Variants in RHBG observed in about 807,000 individuals in gnomAD.
RHBG encodes the protein ammonium transporter Rh type B.
In RHBG, 39 loss-of-function variants were observed where a neutral mutation model predicts 40.1. The ratio of observed to expected loss-of-function variants is 0.97; its 90% confidence interval spans 0.75 to 1.27. The LOEUF is 1.27. RHBG is among the 50% of genes most tolerant of loss of function. The probability of loss-of-function intolerance (pLI) is 0.00; values close to 1 mark genes in which losing one functional copy is unlikely to be tolerated. For synonymous variants in RHBG, 237 were observed against 252.5 expected (o/e 0.94, Z 0.58); for missense variants, 549 against 588.1 (o/e 0.93, Z 0.69).
At chr1:156,373,412 C>G (rs1413426244) in intron 1 of RHBG, among the ~76,000 whole-genome samples, 1 of 114,142 alleles carries the variant, frequency 8.8e-6, no homozygotes, top group African/African-American at 3.4e-5. Context: ...GGCAACAGAG[C>G]AAGAACTGTC....
intron 7 of RHBG, 73 bp from the exon 8 acceptor site, chr1:156,382,675 G>C: frequency 6.4e-7 from 1 of 1,569,654 alleles, no homozygotes; most frequent in Admixed American, 1.7e-5. Context: ...CCAGTGCCAT[G>C]AGCAGCCCTG....
At chr1:156,370,565 T>C (rs1666773084) in intron 1 of RHBG, among the ~76,000 whole-genome samples, 1 of 130,684 alleles carries the variant, frequency 7.7e-6, no homozygotes, top group African/African-American at 2.9e-5. Flanking sequence ...TGAGCCGAGA[T>C]TGCACCACTG....
At chr1:156,372,250 A>G (rs1456091110) in intron 1 of RHBG, among the ~76,000 whole-genome samples, 1 of 152,220 alleles carries the variant, frequency 6.6e-6, no homozygotes, top group Non-Finnish European at 1.5e-5. Context: ...AGAGTGAGTC[A>G]GAGAGGTCAT....
Position 156,378,439 on chromosome 1 carries a change from T to A in RHBG, c.673+40T>A, listed in dbSNP as rs775383585. ...GTGCGGTAGCAGGGCAGGGGGCTGG[T>A]CTGGAGGCCTCATCTGGGCCAGAGG... is the stretch of plus-strand genomic sequence containing the variant. On this transcript the variant is annotated intron_variant, in intron 4 of 9. Coordinates refer to ENST00000537040, the MANE Select transcript of RHBG (RefSeq NM_020407.5). The A allele has an allele frequency of 2.6e-6, 4 of 1,543,752 alleles. No homozygotes were observed. The South Asian group carries it at 5.0e-5, about 19-fold the overall frequency.
chr1:156,378,508 C>A, intron 4 of RHBG, 109 bp downstream of exon 4: 1 of 1,292,664 alleles, frequency 7.7e-7, no homozygotes, highest in Non-Finnish European at 1.1e-6. Flanking sequence ...GGGTTGTGGG[C>A]ATTCACTTCC....
chr1:156,372,442 A>C lies in RHBG; in HGVS notation c.187+3006A>C, dbSNP rs368752872. On this transcript the variant is annotated intron_variant, in intron 1 of 9. Transcript: ENST00000537040. Reference sequence around the variant, plus strand: ...AAAGGGCCACAGAAGCAAACATGAGAAAGGGTTCTGAAAAAATATGGACAG... The same window carrying C: ...AAAGGGCCACAGAAGCAAACATGAGCAAGGGTTCTGAAAAAATATGGACAG... Among the ~76,000 whole-genome samples the C allele has an allele frequency of 6.0e-4, 91 of 152,346 alleles. 3 individuals are homozygous for C. Among genetic ancestry groups the C allele is most frequent in the African/African-American group, 2.1e-3 (86 of 41,576 alleles).
Position 156,382,976 on chromosome 1 carries a change from G to A in RHBG, c.1234+107G>A. ...TGGAGCATCTACTTTGTGCCATAAAGTAGGGATTGGGTTGTGGGTTAAGGG... is the reference window on the plus strand; with the variant it reads ...TGGAGCATCTACTTTGTGCCATAAAATAGGGATTGGGTTGTGGGTTAAGGG... On this transcript the variant is annotated intron_variant, in intron 8 of 9. Coordinates refer to ENST00000537040, the MANE Select transcript of RHBG (RefSeq NM_020407.5). 3.3e-6 allele frequency: 5 copies of A among 1,513,824 alleles called. No individual in the cohort carries two copies. The East Asian group carries it at 1.1e-4, about 34-fold the overall frequency. 93.8% of individuals were successfully genotyped at this position (1,513,824 alleles called of 1,614,324 possible).
chr1:156,374,281 A>G (rs1467014871), intron 1 of RHBG, among the ~76,000 whole-genome samples: 1 of 152,182 alleles, frequency 6.6e-6, no homozygotes, highest in Admixed American at 6.5e-5. Flanking sequence ...CCATTTGTCC[A>G]GGAAACTGGT....
chr1:156,374,680 G>A (rs777494898), intron 1 of RHBG: 246 of 382,484 alleles, frequency 6.4e-4, no homozygotes, highest in Admixed American at 1.2e-3. Context: ...TCTGCCTCCC[G>A]GGTTCAAGCG....
chr1:156,371,168 T>C (rs754977370), intron 1 of RHBG: 19 of 430,702 alleles, frequency 4.4e-5, no homozygotes, highest in Non-Finnish European at 7.3e-5. Flanking sequence ...TTCTTTCTTT[T>C]TTTTTTTTTT....
chr1:156,372,780 G>T (rs1295860782), intron 1 of RHBG, among the ~76,000 whole-genome samples: 1 of 152,136 alleles, frequency 6.6e-6, no homozygotes, highest in African/African-American at 2.4e-5. Flanking sequence ...TCAGAAGGAG[G>T]TGGGGAGACA....
chr1:156,371,164 C>CTT (rs752310929), intron 1 of RHBG: 433 of 387,384 alleles, frequency 1.1e-3, no homozygotes, highest in East Asian at 3.6e-3. Flanking sequence ...TATTTTCTTT[C>CTT]TTTTTTTTTT....
rs556395290 is a variant in RHBG at position 156,374,060 on chromosome 1, G to A, written c.188-3241G>A. Among the ~76,000 whole-genome samples the A allele has an allele frequency of 3.3e-5, 5 of 152,256 alleles. No individual in the cohort carries two copies. The East Asian group carries it at 7.7e-4, about 23-fold the overall frequency. On this transcript the variant is annotated intron_variant, in intron 1 of 9. Transcript: ENST00000537040. ...GGTCCTCAACCCCTAGGCTGGTTAG[G>A]ATGGGGGCCGCACAGCAGGAGGTGA... is the stretch of plus-strand genomic sequence containing the variant.
rs1667896145 is a variant in RHBG, at chr1:156,384,392, C to T, written c.1235-135C>T. On this transcript the variant is annotated intron_variant, in intron 8 of 9. Transcript: ENST00000537040. Reference sequence around the variant, plus strand: ...GCACATAGTAGATGCTCAACAAATACTGCTGTGTTTTGCCTGCACAGGCAT... The same window carrying T: ...GCACATAGTAGATGCTCAACAAATATTGCTGTGTTTTGCCTGCACAGGCAT... 3 of 804,896 alleles carry T rather than the reference C, an allele frequency of 3.7e-6. No individual in the cohort carries two copies. The East Asian group carries it at 7.7e-5, about 21-fold the overall frequency. 49.9% of individuals were successfully genotyped at this position (804,896 alleles called of 1,614,324 possible). A position where few individuals can be genotyped will look rare whatever the true frequency, so the allele number is the denominator to read the frequency against.
chr1:156,381,421 A>G lies in RHBG; in HGVS notation c.748A>G (p.Thr250Ala), dbSNP rs760016272. Reference sequence around the variant, plus strand: ...AGCGCTGGGGGCTGGGCAGCATCGGACGGCCCTCAACACATACTACTCCCT... The same window carrying G: ...AGCGCTGGGGGCTGGGCAGCATCGGGCGGCCCTCAACACATACTACTCCCT... The part of the protein sequence containing the change: ...LTALGAGQHR[T>A]ALNTYYSLAA... Residue 250 changes from threonine (T) to alanine (A), a missense_variant, in exon 5 of 10, where the codon ACG becomes GCG. Physicochemically the swap from Thr to Ala is moderately conservative, Grantham distance 58. This residue lies in a region of RHBG where 399 missense variants were observed against 417.0 expected (regional missense o/e 0.96). Coordinates refer to ENST00000537040, the MANE Select transcript of RHBG (RefSeq NM_020407.5). 1 of 1,614,022 alleles carries G rather than the reference A, an allele frequency of 6.2e-7. No homozygotes were observed. Among genetic ancestry groups the G allele is most frequent in the Non-Finnish European group, 8.5e-7 (1 of 1,180,016 alleles).
intron 8 of RHBG, 173 bp from the exon 9 acceptor site, chr1:156,384,354 T>C: frequency 1.4e-6 from 1 of 709,960 alleles, no homozygotes; most frequent in South Asian, 1.5e-5. Context: ...TCAAGCACTT[T>C]GCACAGGGCC....
chr1:156,377,540 C>T lies in RHBG; in HGVS notation c.374+53C>T. On this transcript the variant is annotated intron_variant, in intron 2 of 9. Transcript: ENST00000537040. The surrounding 1 kb of genome is among the most constrained non-coding windows in gnomAD (Gnocchi z 4.6). ...CCAAGGTTCACTCGGGAGGCCCCTG[C>T]CCATGGGCCCCGGATCTAGCCCTGT... The T allele has an allele frequency of 6.5e-7, 1 of 1,546,272 alleles. No homozygotes were observed. Among genetic ancestry groups the T allele is most frequent in the South Asian group, 1.2e-5 (1 of 86,002 alleles).
chr1:156,378,165 T>C, intron 3 of RHBG, 25 bp downstream of exon 3: 1 of 679,008 alleles, frequency 1.5e-6, no homozygotes. Flanking sequence ...AGGGATGGAG[T>C]CGGGGGTGGG....
At chr1:156,378,214 G>C in intron 3 of RHBG, 38 bp from the exon 4 acceptor site, 1 of 1,608,146 alleles carries the variant, frequency 6.2e-7, no homozygotes, top group Non-Finnish European at 8.5e-7. Flanking sequence ...GAGCGTGGGG[G>C]TGGGGGCGGG....
Sources: gnomAD v4.1 joint callset for allele counts (sites outside exome capture counted in the v4.1 genomes callset) on GRCh38, gnomAD v4.1.1 for gene constraint, gnomAD v4.1.1 regional missense constraint, Gnocchi (gnomAD v3.1) non-coding constraint, MANE v1.5 for transcripts, NCBI Gene and HGNC (gene_info 2026-07-23, HGNC 2026-07-21) for gene names.